The following RFX3 variants were observed in gnomAD, a reference collection of about 807,000 sequenced individuals.
The protein encoded by RFX3 is regulatory factor X3, also known as transcription factor RFX3.
A neutral mutation model predicts 98.6 loss-of-function variants in RFX3; 14 were observed. The ratio of observed to expected loss-of-function variants is 0.14; its 90% CI spans 0.09 to 0.22. The LOEUF (loss-of-function observed/expected upper bound fraction) is 0.22. Ranked by LOEUF, RFX3 falls within the 10% of genes least tolerant of loss-of-function variation. The pLI is 1.00. For missense variants in RFX3, 639 were observed against 926.9 expected, an observed-to-expected ratio of 0.69 and a Z score of 4.03; for synonymous variants, 383 against 328.4, an observed-to-expected ratio of 1.17 and a Z score of -1.80.
At chr9:3,516,595 T>C (rs761067805) in intron 1 of RFX3, among the ~76,000 whole-genome samples, 1 of 152,214 alleles carries the variant, frequency 6.6e-6, no homozygotes, top group East Asian at 1.9e-4. Context: ...ACGGGATTTT[T>C]AGCTCTTCTT....
chr9:3,420,785 T>C lies in RFX3; in HGVS notation c.-8-25189A>G, dbSNP rs1166893390. 5.1e-6 allele frequency: 5 copies of C among 984,996 alleles called. No homozygotes were observed. In the African/African-American group the frequency reaches 8.7e-5, roughly 17 times the overall value. 61.0% of individuals were successfully genotyped at this position (984,996 alleles called of 1,614,324 possible). ...ACTACTGTTCTTTCCTTTACTTCCT[T>C]ACCTCCATTCATTCCTGGTTCTTTT... On this transcript the variant is annotated intron_variant, in intron 1 of 16. Transcript: ENST00000617270.
chr9:3,372,631 T>A (rs531774683), intron 2 of RFX3, among the ~76,000 whole-genome samples: 2 of 150,104 alleles, frequency 1.3e-5, no homozygotes, highest in Non-Finnish European at 3.0e-5. Context: ...CACTGCAACC[T>A]CTGCCCCCCA....
intron 1 of RFX3, among the ~76,000 whole-genome samples, chr9:3,405,202 G>GA (rs1024241703): frequency 4.6e-4 from 69 of 149,874 alleles, no homozygotes; most frequent in Non-Finnish European, 5.8e-4. Context: ...CCTTTGAACA[G>GA]AAAAAAAAAC....
chr9:3,336,766 C>T (rs1833233989), intron 3 of RFX3, among the ~76,000 whole-genome samples: 1 of 151,952 alleles, frequency 6.6e-6, no homozygotes, highest in Admixed American at 6.6e-5. Context: ...AGTAGTGGGC[C>T]ATGAAATTAG....
At chr9:3,270,842 C>T in intron 10 of RFX3, 161 bp downstream of exon 10, 1 of 989,970 alleles carries the variant, frequency 1.0e-6, no homozygotes, top group South Asian at 1.6e-5. Flanking sequence ...ACTGAAACCT[C>T]AAGAGAGCAG....
intron 1 of RFX3, among the ~76,000 whole-genome samples, chr9:3,491,049 G>A (rs949242465): frequency 1.6e-4 from 25 of 152,000 alleles, no homozygotes; most frequent in East Asian, 3.9e-4. Context: ...GTAGTTACCC[G>A]GCATGATTTG....
rs1302140283 is a variant in RFX3 at position 3,411,646 on chromosome 9, TTG to T, written c.-8-16052_-8-16051del. On this transcript the variant is annotated intron_variant, in intron 1 of 16. Coordinates refer to ENST00000617270, the MANE Select transcript of RFX3 (RefSeq NM_001282116.2). ...GTGTGACACCACATCCAGCTAATTT[TTG>T]TGTGTGTGTGTTTTTTTTTTTTAGT... is the stretch of plus-strand genomic sequence containing the variant. Among the ~76,000 whole-genome samples, 3 of 151,346 alleles carry T rather than the reference TTG, an allele frequency of 2.0e-5. No individual in the cohort carries two copies. In the South Asian group the frequency reaches 6.3e-4, roughly 32 times the overall value.
In RFX3 at chr9:3,306,983, G is replaced by C. The variant is rs144177153; in HGVS notation, c.475-5363C>G. Among the ~76,000 whole-genome samples the C allele has an allele frequency of 1.3e-3, 199 of 152,072 alleles. 1 individual carries two copies. The highest frequency in any genetic ancestry group is 4.5e-3 in the African/African-American group (187 of 41,492). On this transcript the variant is annotated intron_variant, in intron 4 of 16. Coordinates refer to ENST00000617270, the MANE Select transcript of RFX3 (RefSeq NM_001282116.2). The stretch of plus-strand genomic sequence containing the variant: ...TGGTGGGAGATGACTGCATAATGGG[G>C]GCGGGTCTTTCCTGTGCTGTTTTCC...
rs547696649 is a variant in RFX3 at position 3,253,503 on chromosome 9, G to T, written c.1814+3488C>A. Among the ~76,000 whole-genome samples the T allele has an allele frequency of 4.6e-5, 7 of 151,910 alleles. No individual in the cohort carries two copies. The South Asian group carries it at 1.5e-3, about 32-fold the overall frequency. On this transcript the variant is annotated intron_variant, in intron 14 of 16. Transcript: ENST00000617270. ...CTGTTATCCAAAACACACAAGCTGA[G>T]AAATGGCCCATATAACTTCTCCAAT...
intron 3 of RFX3, among the ~76,000 whole-genome samples, chr9:3,335,629 G>T (rs1003603634): frequency 4.9e-4 from 74 of 152,220 alleles, no homozygotes; most frequent in African/African-American, 1.7e-3. Flanking sequence ...TGTTTGTTCT[G>T]TATTGATTAC....
intron 4 of RFX3, among the ~76,000 whole-genome samples, chr9:3,311,777 G>C (rs533949416): frequency 6.6e-6 from 1 of 151,982 alleles, no homozygotes; most frequent in South Asian, 2.1e-4. Context: ...CCAGCTACTC[G>C]GGAGGCTGAG....
chr9:3,478,103 C>T (rs914364729), intron 1 of RFX3, among the ~76,000 whole-genome samples: 2 of 152,002 alleles, frequency 1.3e-5, no homozygotes, highest in African/African-American at 4.8e-5. Context: ...TTTGTAATAG[C>T]TAACTTAAAG....
intron 2 of RFX3, among the ~76,000 whole-genome samples, chr9:3,351,632 AC>A (rs1835141694): frequency 6.6e-6 from 1 of 152,074 alleles, no homozygotes; most frequent in South Asian, 2.1e-4. Flanking sequence ...TAAAAAAAGA[AC>A]TAAAACATGT....
At chr9:3,413,878 C>T (rs1842666278) in intron 1 of RFX3, among the ~76,000 whole-genome samples, 1 of 152,082 alleles carries the variant, frequency 6.6e-6, no homozygotes, top group African/African-American at 2.4e-5. Context: ...AAATTATACT[C>T]TCCACCTAGA....
chr9:3,519,112 C>A (rs1818456186), intron 1 of RFX3, among the ~76,000 whole-genome samples: 1 of 152,126 alleles, frequency 6.6e-6, no homozygotes, highest in African/African-American at 2.4e-5. Context: ...ATGAACTGGA[C>A]AATGGGAGTA....
chr9:3,339,727 G>A (rs1410960020), intron 3 of RFX3, among the ~76,000 whole-genome samples: 1 of 152,002 alleles, frequency 6.6e-6, no homozygotes, highest in Non-Finnish European at 1.5e-5. Context: ...GATCAGTTAA[G>A]AATGAAATAA....
intron 4 of RFX3, among the ~76,000 whole-genome samples, chr9:3,323,040 C>T (rs1831489818): frequency 6.6e-6 from 1 of 152,132 alleles, no homozygotes; most frequent in South Asian, 2.1e-4. Flanking sequence ...GATTACAAAA[C>T]TCCTATGTCA....
intron 6 of RFX3, among the ~76,000 whole-genome samples, chr9:3,289,453 G>A (rs188006308): frequency 1.4e-3 from 211 of 152,180 alleles, no homozygotes; most frequent in South Asian, 2.7e-3. Flanking sequence ...ATCCACTGCA[G>A]AATGGTGCAA....
At chr9:3,458,309 T>C (rs186009456) in intron 1 of RFX3, among the ~76,000 whole-genome samples, 1 of 152,308 alleles carries the variant, frequency 6.6e-6, no homozygotes, top group East Asian at 1.9e-4. Context: ...AATCCAGATG[T>C]ATGCCATTGA....
Sources: gnomAD v4.1 joint callset for allele counts (sites outside exome capture counted in the v4.1 genomes callset) on GRCh38, gnomAD v4.1.1 for gene constraint, MANE v1.5 for transcripts, NCBI Gene and HGNC (gene_info 2026-07-23, HGNC 2026-07-21) for gene names.